The following ASB3 variants were observed in gnomAD, a reference collection of about 807,000 sequenced individuals.
ASB3 encodes ankyrin repeat and SOCS box containing 3, also known as ankyrin repeat and SOCS box protein 3.
ASB3 carries 41 observed loss-of-function variants against 54.5 expected under a neutral mutation model. The observed-to-expected ratio is 0.75, with a 90% CI of 0.59 to 0.98. The LOEUF is 0.98. ASB3 is among the 50% of genes least tolerant of loss of function. ASB3 has a pLI of 0.00. For missense variants in ASB3, 733 were observed against 620.0 expected (o/e 1.18, Z -1.94); for synonymous variants, 266 against 221.2 (o/e 1.20, Z -1.80).
intron 7 of ASB3, among the ~76,000 whole-genome samples, chr2:53,702,903 G>A (rs1222181530): frequency 6.6e-6 from 1 of 152,146 alleles, no homozygotes; most frequent in Non-Finnish European, 1.5e-5. Flanking sequence ...ATTATAACAG[G>A]CCAAATAGTG....
intron 3 of ASB3, among the ~76,000 whole-genome samples, chr2:53,750,572 C>G (rs546776901): frequency 6.6e-6 from 1 of 152,142 alleles, no homozygotes; most frequent in African/African-American, 2.4e-5. Context: ...TTTAAATAAA[C>G]AAAGTCCCAG....
intron 7 of ASB3, among the ~76,000 whole-genome samples, chr2:53,711,426 A>G (rs752250638): frequency 3.9e-5 from 6 of 152,178 alleles, no homozygotes; most frequent in Non-Finnish European, 7.4e-5. Flanking sequence ...GACTGATATT[A>G]GCTGCTGGTG....
chr2:53,693,700 T>C (rs566809190), intron 9 of ASB3, among the ~76,000 whole-genome samples, 184 bp downstream of exon 9: 97 of 152,254 alleles, frequency 6.4e-4, no homozygotes, highest in South Asian at 1.9e-3. Flanking sequence ...AAATCAAATA[T>C]GATTTTTACT....
chr2:53,701,832 A>C (rs189717737), intron 7 of ASB3, among the ~76,000 whole-genome samples: 84 of 152,310 alleles, frequency 5.5e-4, no homozygotes, highest in Non-Finnish European at 1.0e-3. Flanking sequence ...AAAATGCCCA[A>C]AATTCTGTAA....
chr2:53,783,515 G>T (rs1674769808), intron 1 of ASB3, among the ~76,000 whole-genome samples: 1 of 151,974 alleles, frequency 6.6e-6, no homozygotes, highest in African/African-American at 2.4e-5. Flanking sequence ...AGAGTGCCAA[G>T]AAGGATGAAT....
intron 9 of ASB3, among the ~76,000 whole-genome samples, chr2:53,685,024 T>C (rs1282150959): frequency 4.6e-5 from 7 of 152,148 alleles, no homozygotes; most frequent in Non-Finnish European, 8.8e-5. Context: ...CAAGTACTAA[T>C]ATGCAGTACT....
At chr2:53,684,054 GTTC>G (rs1385697683) in intron 9 of ASB3, among the ~76,000 whole-genome samples, 1 of 152,004 alleles carries the variant, frequency 6.6e-6, no homozygotes, top group Non-Finnish European at 1.5e-5. Context: ...GTTATTTGGA[GTTC>G]TTCTACTTTT....
chr2:53,768,092 C>G, intron 1 of ASB3: 2 of 1,560,124 alleles, frequency 1.3e-6, no homozygotes, highest in South Asian at 1.1e-5. Context: ...ACACAGCACC[C>G]ACACCCTAGA....
At chr2:53,766,245 A>G (rs76943041) in intron 1 of ASB3, among the ~76,000 whole-genome samples, 8,704 of 152,248 alleles carry the variant, frequency 0.057, 454 homozygotes, top group East Asian at 0.28. Context: ...TACATAGCCC[A>G]GAAAGTTCTT....
At chr2:53,710,464 C>T (rs945303364) in intron 7 of ASB3, among the ~76,000 whole-genome samples, 2 of 152,170 alleles carry the variant, frequency 1.3e-5, no homozygotes, top group African/African-American at 4.8e-5. Flanking sequence ...TTTCTAATAT[C>T]TGGACCATCT....
chr2:53,692,025 G>A (rs893196137), intron 9 of ASB3, among the ~76,000 whole-genome samples: 1 of 152,202 alleles, frequency 6.6e-6, no homozygotes, highest in Non-Finnish European at 1.5e-5. Context: ...TAATTCTTTA[G>A]TGTAGGAGGC....
chr2:53,783,612 A>T (rs1573041736), intron 1 of ASB3, among the ~76,000 whole-genome samples: 1 of 152,344 alleles, frequency 6.6e-6, no homozygotes. Context: ...TTCCAGAGAA[A>T]AAAGTATGAT....
intron 1 of ASB3, among the ~76,000 whole-genome samples, chr2:53,784,829 G>C (rs968060119): frequency 2.0e-5 from 3 of 152,150 alleles, no homozygotes; most frequent in African/African-American, 7.2e-5. Flanking sequence ...ACAGGTTCTA[G>C]GGGATAGGAC....
At chr2:53,770,037 T>G (rs1233468974) in intron 1 of ASB3, among the ~76,000 whole-genome samples, 1 of 152,234 alleles carries the variant, frequency 6.6e-6, no homozygotes, top group African/African-American at 2.4e-5. Context: ...ACAGTAGCTA[T>G]GCATAAATAA....
intron 9 of ASB3, among the ~76,000 whole-genome samples, chr2:53,690,623 G>GT (rs3836013): frequency 0.14 from 20,701 of 151,950 alleles, 1,388 homozygotes; most frequent in East Asian, 0.19. Context: ...AGAGCCAAAT[G>GT]TACAGCCTAT....
At chr2:53,727,569 A>G (rs1671073279) in intron 5 of ASB3, among the ~76,000 whole-genome samples, 1 of 152,162 alleles carries the variant, frequency 6.6e-6, no homozygotes. Context: ...TCAGGAGTTT[A>G]AGGTTACAAT....
chr2:53,688,286 G>C (rs191175185), intron 9 of ASB3, among the ~76,000 whole-genome samples: 1 of 152,174 alleles, frequency 6.6e-6, no homozygotes, highest in Non-Finnish European at 1.5e-5. Context: ...TCCTCTGCAG[G>C]TCAGGCAATT....
At chr2:53,681,572 C>T (rs1025429074) in intron 9 of ASB3, among the ~76,000 whole-genome samples, 2 of 152,134 alleles carry the variant, frequency 1.3e-5, no homozygotes, top group Non-Finnish European at 1.5e-5. Context: ...TATTCTTCTG[C>T]ATATGGATAT....
At chr2:53,705,911 C>T (rs1669743133) in intron 7 of ASB3, among the ~76,000 whole-genome samples, 1 of 152,118 alleles carries the variant, frequency 6.6e-6, no homozygotes, top group South Asian at 2.1e-4. Context: ...ATGTTCCAAA[C>T]AGGCAATATC....
Sources: gnomAD v4.1 joint callset for allele counts (sites outside exome capture counted in the v4.1 genomes callset) on GRCh38, gnomAD v4.1.1 for gene constraint, MANE v1.5 for transcripts, NCBI Gene and HGNC (gene_info 2026-07-23, HGNC 2026-07-21) for gene names.